ZFAND3: variants seen among roughly 807,000 people sequenced by gnomAD.
The protein encoded by ZFAND3 is AN1-type zinc finger protein 3.
A neutral mutation model predicts 29.6 loss-of-function variants in ZFAND3; 10 were observed. That is an observed-to-expected ratio of 0.34 (90% CI 0.21 to 0.57). ZFAND3 has a LOEUF of 0.57. Among genes scored for constraint, ZFAND3 ranks in the 20% least tolerant of loss-of-function variants. The pLI, the probability that ZFAND3 is intolerant of heterozygous loss-of-function variation, is 0.86. For synonymous variants in ZFAND3, 128 were observed against 112.6 expected (o/e 1.14, Z -0.87); for missense variants, 230 against 304.5 (o/e 0.76, Z 1.82).
intron 2 of ZFAND3, among the ~76,000 whole-genome samples, chr6:37,933,812 A>T (rs1056314305): frequency 6.7e-6 from 1 of 150,282 alleles, no homozygotes; most frequent in Non-Finnish European, 1.5e-5. Context: ...CTTATCATTA[A>T]CCCTGGTTTG....
At chr6:37,824,023 G>A (rs1305462027) in intron 1 of ZFAND3, among the ~76,000 whole-genome samples, 3 of 152,110 alleles carry the variant, frequency 2.0e-5, no homozygotes, top group African/African-American at 7.2e-5. Context: ...TGATCCTCCC[G>A]CCTCGGCTTC....
intron 2 of ZFAND3, among the ~76,000 whole-genome samples, chr6:38,033,612 C>G (rs1357060921): frequency 3.3e-5 from 5 of 152,168 alleles, no homozygotes; most frequent in East Asian, 1.9e-4. Flanking sequence ...TCCATTTACT[C>G]ATTTCTCTAT....
intron 3 of ZFAND3, among the ~76,000 whole-genome samples, chr6:38,077,203 A>G (rs1422870402): frequency 6.7e-6 from 1 of 148,754 alleles, no homozygotes; most frequent in Non-Finnish European, 1.5e-5. Context: ...GCTTAGGAGG[A>G]AAAAAAAAAG....
chr6:38,033,215 ACTCT>A (rs1561973600), intron 2 of ZFAND3, among the ~76,000 whole-genome samples: 1 of 152,142 alleles, frequency 6.6e-6, no homozygotes, highest in Non-Finnish European at 1.5e-5. Context: ...GATTTAGTTT[ACTCT>A]CTCTAGAAAC....
chr6:37,946,557 G>C (rs1249749651), intron 2 of ZFAND3, among the ~76,000 whole-genome samples: 11 of 152,128 alleles, frequency 7.2e-5, no homozygotes, highest in Admixed American at 7.2e-4. Context: ...TTAAAATTGT[G>C]ACCTATTTTT....
At chr6:38,018,865 G>A (rs1278194274) in intron 2 of ZFAND3, among the ~76,000 whole-genome samples, 1 of 152,152 alleles carries the variant, frequency 6.6e-6, no homozygotes, top group South Asian at 2.1e-4. Context: ...TTGCCAAATT[G>A]CCCTCTGTAG....
intron 1 of ZFAND3, among the ~76,000 whole-genome samples, chr6:37,908,743 GAAAAA>G (rs202057469): frequency 2.1e-5 from 2 of 97,270 alleles, no homozygotes; most frequent in Non-Finnish European, 4.3e-5. Context: ...AATTTTCAAA[GAAAAA>G]AAAAAAAAAA....
chr6:37,868,146 G>C (rs778360016), intron 1 of ZFAND3, among the ~76,000 whole-genome samples: 105 of 152,138 alleles, frequency 6.9e-4, no homozygotes, highest in Non-Finnish European at 1.3e-4. Context: ...TCATAAATGT[G>C]TATTGACATG....
chr6:38,011,630 A>G (rs2127443920), intron 2 of ZFAND3, among the ~76,000 whole-genome samples: 1 of 152,212 alleles, frequency 6.6e-6, no homozygotes, highest in East Asian at 1.9e-4. Context: ...GGAGGAAGAA[A>G]GTTGTTTTTT....
At chr6:37,937,876 C>G (rs1280942943) in intron 2 of ZFAND3, among the ~76,000 whole-genome samples, 1 of 152,160 alleles carries the variant, frequency 6.6e-6, no homozygotes, top group East Asian at 1.9e-4. Context: ...CCAGGCTCTT[C>G]TTAACCATTA....
intron 5 of ZFAND3, among the ~76,000 whole-genome samples, chr6:38,144,231 A>ATT (rs67159019): frequency 1.2e-3 from 90 of 75,262 alleles, no homozygotes; most frequent in African/African-American, 3.5e-3. Flanking sequence ...ATATATATAT[A>ATT]TTTTTTTTTT....
At chr6:37,841,366 A>G (rs890124450) in intron 1 of ZFAND3, among the ~76,000 whole-genome samples, 24 of 134,622 alleles carry the variant, frequency 1.8e-4, no homozygotes, top group African/African-American at 6.3e-4. Context: ...CCTTCTATCC[A>G]TCTATTAATC....
chr6:37,987,503 T>G (rs892742652), intron 2 of ZFAND3, among the ~76,000 whole-genome samples: 4 of 152,222 alleles, frequency 2.6e-5, no homozygotes, highest in African/African-American at 9.6e-5. Flanking sequence ...AGTGGGACTA[T>G]AAATCTGAAT....
At chr6:37,845,063 A>T (rs1413644536) in intron 1 of ZFAND3, among the ~76,000 whole-genome samples, 1 of 151,502 alleles carries the variant, frequency 6.6e-6, no homozygotes, top group Non-Finnish European at 1.5e-5. Context: ...CTCACAGTTG[A>T]TGGGCTCAGT....
chr6:37,911,895 A>G (rs1343650469), intron 1 of ZFAND3, among the ~76,000 whole-genome samples: 3 of 152,126 alleles, frequency 2.0e-5, no homozygotes. Flanking sequence ...ATAGGTTACT[A>G]CAGTCAGTTG....
At chr6:37,900,971 A>AT (rs1212977305) in intron 1 of ZFAND3, among the ~76,000 whole-genome samples, 1 of 152,122 alleles carries the variant, frequency 6.6e-6, no homozygotes. Flanking sequence ...AGTGTGTGAA[A>AT]GACAGGAGTG....
At chr6:38,026,104 TTGACAA>T (rs1763442055) in intron 2 of ZFAND3, among the ~76,000 whole-genome samples, 1 of 152,202 alleles carries the variant, frequency 6.6e-6, no homozygotes, top group African/African-American at 2.4e-5. Context: ...ATATAAATTA[TTGACAA>T]ATTCTTTATC....
intron 2 of ZFAND3, among the ~76,000 whole-genome samples, chr6:38,026,080 A>T (rs1763441613): frequency 6.6e-6 from 1 of 152,226 alleles, no homozygotes; most frequent in South Asian, 2.1e-4. Flanking sequence ...TACAAAAATA[A>T]CCTATTACTT....
chr6:37,953,664 CT>C (rs1341731009), intron 2 of ZFAND3, among the ~76,000 whole-genome samples: 1 of 151,968 alleles, frequency 6.6e-6, no homozygotes, highest in Non-Finnish European at 1.5e-5. Context: ...ATTTCCCAGG[CT>C]GGTCTTGAAC....
Sources: gnomAD v4.1 joint callset for allele counts (sites outside exome capture counted in the v4.1 genomes callset) on GRCh38, gnomAD v4.1.1 for gene constraint, MANE v1.5 for transcripts, NCBI Gene and HGNC (gene_info 2026-07-23, HGNC 2026-07-21) for gene names.